The following ANKRD42 variants were observed in gnomAD, a reference collection of about 807,000 sequenced individuals.
ANKRD42 encodes ankyrin repeat domain-containing protein 42.
ANKRD42 carries 43 observed loss-of-function variants against 51.5 expected under a neutral mutation model. That is an observed-to-expected ratio of 0.83 (90% CI 0.65 to 1.08). The LOEUF (loss-of-function observed/expected upper bound fraction) is 1.08, where lower values mean the gene tolerates loss of function less well. Among genes scored for constraint, ANKRD42 ranks in the 50% least tolerant of loss-of-function variants. The pLI is 0.00. For missense variants in ANKRD42, 608 were observed against 629.3 expected, an observed-to-expected ratio of 0.97 and a Z score of 0.36; for synonymous variants, 203 against 213.0, an observed-to-expected ratio of 0.95 and a Z score of 0.41.
intron 3 of ANKRD42, chr11:83,209,254 A>G: frequency 1.6e-6 from 1 of 624,156 alleles, no homozygotes; most frequent in East Asian, 2.8e-5. Flanking sequence ...TACATGCTCA[A>G]ATCAGAATGT....
chr11:83,220,168 T>C (rs1462224527), intron 5 of ANKRD42, among the ~76,000 whole-genome samples: 1 of 152,132 alleles, frequency 6.6e-6, no homozygotes, highest in Non-Finnish European at 1.5e-5. Flanking sequence ...CCCAGGTGTA[T>C]TTTGGGACCA....
At chr11:83,228,934 GTTTTTTTTGT>G (rs1565190623) in intron 7 of ANKRD42, among the ~76,000 whole-genome samples, 3 of 101,332 alleles carry the variant, frequency 3.0e-5, no homozygotes, top group South Asian at 7.2e-4. Context: ...TGTACCTAAA[GTTTTTTTTGT>G]TTTTTTTTGT....
At chr11:83,255,434 C>T (rs1381601772) in intron 11 of ANKRD42, among the ~76,000 whole-genome samples, 2 of 152,144 alleles carry the variant, frequency 1.3e-5, no homozygotes, top group East Asian at 1.9e-4. Context: ...GGGAATGATT[C>T]GCAGCACTAT....
downstream of ANKRD42, chr11:83,257,479 CT>C: frequency 2.8e-6 from 1 of 359,528 alleles, no homozygotes; most frequent in Non-Finnish European, 5.5e-6. Flanking sequence ...TTATTGGGCA[CT>C]TTGTGTGAGA....
Position 83,248,075 on chromosome 11 carries a change from CTTTGTGGCTAT to C in ANKRD42, c.1456_1466del (p.Phe486GlyfsTer6). 6.3e-7 allele frequency: 1 copy of C among 1,582,946 alleles called. No homozygotes were observed. Among genetic ancestry groups the C allele is most frequent in the African/African-American group, 1.4e-5 (1 of 73,974 alleles). On this transcript the variant is annotated frameshift_variant, in exon 11 of 11. Transcript: ENST00000533342. LOFTEE classifies it low-confidence loss of function (END_TRUNC). ...CACTGGAAAAAATTCAAGTCCCAAA[CTTTGTGGCTAT>C]GGTTGGTGTCCTTTTTAATACATTT...
At chr11:83,260,617 A>C (rs1383299249), downstream of ANKRD42, 1 of 152,224 alleles carries the variant, frequency 6.6e-6, no homozygotes, top group Non-Finnish European at 1.5e-5. Flanking sequence ...TTTATAGCTA[A>C]ACAAATGACA....
chr11:83,223,231 C>T (rs1862769118), intron 5 of ANKRD42, among the ~76,000 whole-genome samples: 1 of 152,174 alleles, frequency 6.6e-6, no homozygotes. Flanking sequence ...GCCTGTGCAA[C>T]AGAGCAAGAC....
intron 9 of ANKRD42, among the ~76,000 whole-genome samples, chr11:83,242,966 TTATAGTTTGAATATAGTGTGAA>T (rs1439682327): frequency 6.6e-6 from 1 of 152,198 alleles, no homozygotes; most frequent in Non-Finnish European, 1.5e-5. Flanking sequence ...GCATGTGTCT[TTATAGTTTGAATATAGTGTGAA>T]TATAGTATGA....
At chr11:83,225,735 A>C (rs1862859823) in intron 6 of ANKRD42, among the ~76,000 whole-genome samples, 1 of 144,676 alleles carries the variant, frequency 6.9e-6, no homozygotes, top group South Asian at 2.2e-4. Context: ...AGCTGAAATC[A>C]TGCAATTGCA....
chr11:83,258,241 A>T (rs1367001626), downstream of ANKRD42, among the ~76,000 whole-genome samples: 1 of 152,166 alleles, frequency 6.6e-6, no homozygotes. Context: ...GCTATTCTGG[A>T]TCTTGTTACA....
In ANKRD42 at chr11:83,194,653, A is replaced by T. The variant is rs765951305; in HGVS notation, c.-18A>T. The T allele has an allele frequency of 5.6e-6, 9 of 1,613,514 alleles. No individual in the cohort carries two copies. In the South Asian group the frequency reaches 8.8e-5, roughly 16 times the overall value. Reference sequence around the variant, plus strand: ...GGGCCTGGACTCAACTCCTCCCCAGAGTCGGAGGTGTTGCGCCATGCCCGG... The same window carrying T: ...GGGCCTGGACTCAACTCCTCCCCAGTGTCGGAGGTGTTGCGCCATGCCCGG... On this transcript the variant is annotated 5_prime_UTR_variant, in exon 1 of 11. Transcript: ENST00000533342.
chr11:83,206,946 CAA>C, intron 3 of ANKRD42, among the ~76,000 whole-genome samples: 1 of 152,218 alleles, frequency 6.6e-6, no homozygotes, highest in South Asian at 2.1e-4. Flanking sequence ...GTCATATAAG[CAA>C]ACAGCTGGTA....
At chr11:83,235,940 C>A (rs1163604752) in intron 7 of ANKRD42, among the ~76,000 whole-genome samples, 1 of 152,200 alleles carries the variant, frequency 6.6e-6, no homozygotes, top group Admixed American at 6.5e-5. Context: ...ATACATCTAT[C>A]ATATAAATAT....
At chr11:83,245,830 T>G (rs1863525372) in intron 10 of ANKRD42, among the ~76,000 whole-genome samples, 1 of 152,218 alleles carries the variant, frequency 6.6e-6, no homozygotes, top group Admixed American at 6.5e-5. Context: ...ATCTTAACCA[T>G]TTTTTAAGTA....
chr11:83,254,590 C>T (rs745376536), intron 11 of ANKRD42, among the ~76,000 whole-genome samples: 7 of 151,834 alleles, frequency 4.6e-5, no homozygotes, highest in African/African-American at 1.2e-4. Flanking sequence ...CAGGACAAGC[C>T]CAGCTAATTT....
chr11:83,198,994 G>A (rs1179030704), intron 2 of ANKRD42, among the ~76,000 whole-genome samples: 7 of 152,158 alleles, frequency 4.6e-5, no homozygotes, highest in Non-Finnish European at 1.0e-4. Flanking sequence ...GGTGGTTGAT[G>A]CTGGTTATGG....
rs372844297 is a variant in ANKRD42 at position 83,227,760 on chromosome 11, A to G, written c.801A>G (p.Pro267=). ...TTTTATTCATAGCTTTAGCATTTCCAGGTCATGTGGCTGCCTTTAAGGGTG... is the reference window on the plus strand; with the variant it reads ...TTTTATTCATAGCTTTAGCATTTCCGGGTCATGTGGCTGCCTTTAAGGGTG... ...DLEDQETLAF[P]GHVAAFKGDL... is the part of the protein sequence containing the mutation. Residue 267 remains proline, a synonymous_variant, in exon 7 of 11, where the codon CCA becomes CCG. Coordinates refer to ENST00000533342, the MANE Select transcript of ANKRD42 (RefSeq NM_001300975.2). 12 of 1,608,922 alleles carry G rather than the reference A, an allele frequency of 7.5e-6. No homozygotes were observed. In the African/African-American group the frequency reaches 1.2e-4, roughly 16 times the overall value.
intron 1 of ANKRD42, among the ~76,000 whole-genome samples, chr11:83,196,633 G>T (rs73512675): frequency 3.9e-5 from 6 of 152,092 alleles, no homozygotes; most frequent in Non-Finnish European, 7.4e-5. Context: ...TATTTCCATC[G>T]TTGCTTTTAC....
intron 9 of ANKRD42, among the ~76,000 whole-genome samples, chr11:83,245,294 A>G (rs1413854334): frequency 3.9e-5 from 6 of 152,216 alleles, no homozygotes; most frequent in African/African-American, 1.4e-4. Context: ...AGAATCCTCC[A>G]TTTAGGTATT....
Sources: allele counts gnomAD v4.1 joint callset (sites outside exome capture counted in the v4.1 genomes callset), GRCh38; gene constraint gnomAD v4.1.1; transcripts MANE v1.5; gene names NCBI Gene and HGNC (gene_info 2026-07-23, HGNC 2026-07-21).